The following LDAH variants were observed in gnomAD, a reference collection of about 807,000 sequenced individuals.
LDAH encodes lipid droplet-associated hydrolase.
Under a neutral mutation model 29.6 loss-of-function variants are expected in LDAH, and 26 were observed. The ratio of observed to expected loss-of-function variants is 0.88; its 90% CI spans 0.64 to 1.22. The LOEUF (loss-of-function observed/expected upper bound fraction) is 1.22, where lower values mean the gene tolerates loss of function less well. Ranked by LOEUF, LDAH falls within the 50% of genes most tolerant of loss-of-function variation. LDAH has a pLI of 0.00. For synonymous variants in LDAH, 117 were observed against 133.0 expected, an observed-to-expected ratio of 0.88 and a Z score of 0.83; for missense variants, 344 against 387.3, an observed-to-expected ratio of 0.89 and a Z score of 0.94.
intron 5 of LDAH, among the ~76,000 whole-genome samples, chr2:20,714,928 T>C (rs1665046228): frequency 6.6e-6 from 1 of 152,140 alleles, no homozygotes; most frequent in South Asian, 2.1e-4. Flanking sequence ...ACCAGACAGA[T>C]TCATAGCCGA....
chr2:20,814,385 T>C (rs951133252), intron 1 of LDAH, among the ~76,000 whole-genome samples: 1 of 152,184 alleles, frequency 6.6e-6, no homozygotes. Context: ...TTACCTAATT[T>C]GTCATCTATG....
intron 3 of LDAH, chr2:20,789,101 A>G: frequency 6.5e-7 from 1 of 1,547,558 alleles, no homozygotes; most frequent in Non-Finnish European, 8.7e-7. Context: ...GTACCTCTGC[A>G]CCCACCTCCA....
intron 1 of LDAH, among the ~76,000 whole-genome samples, chr2:20,819,409 T>C (rs1190840077): frequency 1.3e-5 from 2 of 152,172 alleles, no homozygotes; most frequent in African/African-American, 2.4e-5. Flanking sequence ...ATTATGGTAA[T>C]ACTACAAGGG....
At chr2:20,801,242 A>G (rs1269897941) in intron 2 of LDAH, 68 bp downstream of exon 2, 19 of 1,504,130 alleles carry the variant, frequency 1.3e-5, no homozygotes, top group Non-Finnish European at 1.7e-5. Flanking sequence ...CAAATTCTCT[A>G]TACTTTAAAA....
chr2:20,760,727 GC>G (rs1419495157), intron 4 of LDAH, among the ~76,000 whole-genome samples: 1 of 152,190 alleles, frequency 6.6e-6, no homozygotes, highest in Non-Finnish European at 1.5e-5. Flanking sequence ...TGCTTTTAAA[GC>G]CAGCATGGGA....
At position 20,739,986 on chromosome 2, in the gene LDAH, C is replaced by A; in HGVS notation, c.688G>T (p.Glu230Ter). The A allele has an allele frequency of 6.2e-7, 1 of 1,612,996 alleles. No homozygotes were observed. ...ENEFSPLNILEPFCLANAAYL... is the reference protein window; with the variant it reads ...ENEFSPLNIL ...CTGTGCTTACCAAGGCAGAATGGTT[C>A]TAATATATTCAATGGTGAAAATTCA... Residue 230 changes from glutamate (E) to a stop codon, truncating the protein, a stop_gained, in exon 5 of 7, where the codon GAA (glutamate) becomes TAA (stop). Transcript: ENST00000237822. LOFTEE classifies it high-confidence loss of function.
intron 5 of LDAH, among the ~76,000 whole-genome samples, chr2:20,721,035 TA>T (rs1374920700): frequency 1.3e-5 from 2 of 151,954 alleles, no homozygotes; most frequent in African/African-American, 4.8e-5. Context: ...AAGAAAACAT[TA>T]GGGGGAATGC....
Position 20,801,319 on chromosome 2 carries a change from T to G in LDAH, c.145A>C (p.Ile49Leu). 1 of 1,613,312 alleles carries G rather than the reference T, an allele frequency of 6.2e-7. No homozygotes were observed. The change falls in exon 2 of 7, where the codon ATT (isoleucine) becomes CTT (leucine). Residue 49 changes from isoleucine (I) to leucine (L), a missense_variant. Coordinates refer to ENST00000237822, the MANE Select transcript of LDAH (RefSeq NM_021925.4). ...SVKRPKLLIF[I>L]IPGNPGFSAF... ...AGACTTTTACGCTCACCAGGAATAA[T>G]GAAAATAAGCAGCTTAGGCCTTTTG...
At chr2:20,737,170 G>C (rs1404610836) in intron 5 of LDAH, among the ~76,000 whole-genome samples, 3 of 152,166 alleles carry the variant, frequency 2.0e-5, no homozygotes, top group African/African-American at 7.2e-5. Flanking sequence ...AAAACCCAGA[G>C]AACTCACCAC....
chr2:20,722,377 CAAA>C (rs141440507), intron 5 of LDAH, among the ~76,000 whole-genome samples: 10 of 70,834 alleles, frequency 1.4e-4, no homozygotes, highest in African/African-American at 5.1e-4. Flanking sequence ...GAAACTGTCT[CAAA>C]AAAAAAAAAA....
chr2:20,794,648 G>A (rs369685561), intron 2 of LDAH, among the ~76,000 whole-genome samples: 4 of 151,954 alleles, frequency 2.6e-5, no homozygotes, highest in South Asian at 4.2e-4. Flanking sequence ...AAAACCATAC[G>A]ATCCTCAACA....
Position 20,740,170 on chromosome 2 carries a change from T to C in LDAH, c.504A>G (p.Glu168=). 1 of 1,614,056 alleles carries C rather than the reference T, an allele frequency of 6.2e-7. No individual in the cohort carries two copies. The highest frequency in any genetic ancestry group is 8.5e-7 in the Non-Finnish European group (1 of 1,179,946). The change falls in exon 5 of 7, where the codon GAA becomes GAG. Residue 168 remains glutamate (E), a synonymous_variant. Coordinates refer to ENST00000237822, the MANE Select transcript of LDAH (RefSeq NM_021925.4). ...TGCCATTGGGTGACTCAGACATTCG[T>C]TCAATTGTTGGAAAGAGCAGAAAGG... The part of the protein sequence containing the change: ...IRAFLLFPTI[E]RMSESPNGRI...
At chr2:20,767,653 G>C (rs1669136019) in intron 4 of LDAH, among the ~76,000 whole-genome samples, 1 of 152,202 alleles carries the variant, frequency 6.6e-6, no homozygotes, top group Non-Finnish European at 1.5e-5. Flanking sequence ...CCCACCTGCA[G>C]GCCAGGGAGG....
intron 5 of LDAH, 83 bp downstream of exon 5, chr2:20,739,888 G>T: frequency 1.1e-6 from 1 of 941,390 alleles, no homozygotes; most frequent in Non-Finnish European, 1.5e-6. Flanking sequence ...TTGCTTGCTT[G>T]ATATTTGTCC....
intron 2 of LDAH, among the ~76,000 whole-genome samples, chr2:20,791,069 T>C (rs1475641808): frequency 6.6e-6 from 1 of 152,244 alleles, no homozygotes; most frequent in Non-Finnish European, 1.5e-5. Context: ...TTTCTTCATG[T>C]TGTTAGGCTT....
At chr2:20,735,419 G>A (rs1666706247) in intron 5 of LDAH, among the ~76,000 whole-genome samples, 1 of 150,474 alleles carries the variant, frequency 6.6e-6, no homozygotes, top group African/African-American at 2.4e-5. Context: ...CATCCATTGA[G>A]ATTTTAAATT....
In LDAH at chr2:20,765,797, T is replaced by C. The variant is rs1040649192; in HGVS notation, c.468+9013A>G. Among the ~76,000 whole-genome samples the C allele has an allele frequency of 1.1e-4, 17 of 152,204 alleles. 1 individual carries two copies. The highest frequency in any genetic ancestry group is 1.5e-5 in the Non-Finnish European group (1 of 68,040). On this transcript the variant is annotated intron_variant, in intron 4 of 6. Coordinates refer to ENST00000237822, the MANE Select transcript of LDAH (RefSeq NM_021925.4). ...TCGGCTTTCTTACACAGCAGCTGGCTTCTGAGAGGGAGGAAATAGAAGCTC... is the reference window on the plus strand; with the variant it reads ...TCGGCTTTCTTACACAGCAGCTGGCCTCTGAGAGGGAGGAAATAGAAGCTC...
chr2:20,690,692 C>T (rs573503785), intron 6 of LDAH, among the ~76,000 whole-genome samples: 6 of 151,468 alleles, frequency 4.0e-5, no homozygotes, highest in South Asian at 4.2e-4. Context: ...GTGGCACTGG[C>T]GGGGGATGGG....
intron 3 of LDAH, among the ~76,000 whole-genome samples, chr2:20,779,607 TA>T (rs1344691419): frequency 6.6e-6 from 1 of 152,080 alleles, no homozygotes; most frequent in Admixed American, 6.6e-5. Flanking sequence ...ATATTTACTC[TA>T]AATTCATGAT....
Sources: gnomAD v4.1 joint callset for allele counts (sites outside exome capture counted in the v4.1 genomes callset) on GRCh38, gnomAD v4.1.1 for gene constraint, MANE v1.5 for transcripts, NCBI Gene and HGNC (gene_info 2026-07-23, HGNC 2026-07-21) for gene names.